Variants in TUSC3 observed in about 807,000 individuals in gnomAD.
TUSC3 encodes tumor suppressor candidate 3.
A neutral mutation model predicts 44.8 loss-of-function variants in TUSC3; 45 were observed. The ratio of observed to expected loss-of-function variants is 1.00; its 90% confidence interval spans 0.79 to 1.29. The LOEUF is 1.29. TUSC3 is among the 50% of genes most tolerant of loss of function. The probability of loss-of-function intolerance (pLI) is 0.00; values close to 1 mark genes in which losing one functional copy is unlikely to be tolerated. For missense variants in TUSC3, 519 were observed against 437.9 expected, an observed-to-expected ratio of 1.19 and a Z score of -1.65; for synonymous variants, 212 against 152.9, an observed-to-expected ratio of 1.39 and a Z score of -2.85.
intron 8 of TUSC3, among the ~76,000 whole-genome samples, chr8:15,746,344 T>G (rs1233878960): frequency 6.6e-5 from 10 of 152,096 alleles, no homozygotes; most frequent in Admixed American, 6.6e-4. Flanking sequence ...TGCTTGTGTG[T>G]GTATGAAAGT....
chr8:15,510,987 A>G (rs983347862), intron 2 of TUSC3, among the ~76,000 whole-genome samples: 1 of 152,196 alleles, frequency 6.6e-6, no homozygotes, highest in Admixed American at 6.5e-5. Flanking sequence ...ATTGATTTCC[A>G]TACAAGCAGA....
chr8:15,754,593 C>G (rs1329665152), intron 9 of TUSC3, among the ~76,000 whole-genome samples: 1 of 151,766 alleles, frequency 6.6e-6, no homozygotes, highest in Non-Finnish European at 1.5e-5. Flanking sequence ...TTTTCCTTTT[C>G]TTAAGAAAAG....
intron 1 of TUSC3, among the ~76,000 whole-genome samples, chr8:15,463,679 G>T (rs1800377690): frequency 6.6e-6 from 1 of 152,120 alleles, no homozygotes; most frequent in African/African-American, 2.4e-5. Context: ...GCACCATTAA[G>T]TTAAATTATC....
chr8:15,780,675 C>T, the TUSC3 span, among the ~76,000 whole-genome samples: 577 of 152,234 alleles, frequency 3.8e-3, 3 homozygotes, highest in African/African-American at 0.014. Context: ...GACCTGGGCA[C>T]TTTCTCATCC....
At chr8:15,669,794 T>C (rs1055360356) in intron 5 of TUSC3, among the ~76,000 whole-genome samples, 2 of 151,696 alleles carry the variant, frequency 1.3e-5, no homozygotes, top group Non-Finnish European at 3.0e-5. Context: ...AGATGCCTGC[T>C]CTTGAGTATT....
At chr8:15,682,790 T>G (rs1322761877) in intron 6 of TUSC3, among the ~76,000 whole-genome samples, 3 of 151,682 alleles carry the variant, frequency 2.0e-5, no homozygotes, top group African/African-American at 7.3e-5. Context: ...GTTGTTCTTT[T>G]GTTTCCATGT....
chr8:15,825,869 G>A, the TUSC3 span, among the ~76,000 whole-genome samples: 1 of 147,044 alleles, frequency 6.8e-6, no homozygotes, highest in Non-Finnish European at 1.5e-5. Context: ...ACCAATTACG[G>A]AATCAACAGT....
At chr8:15,790,039 G>A in the TUSC3 span, among the ~76,000 whole-genome samples, 2 of 152,154 alleles carry the variant, frequency 1.3e-5, no homozygotes, top group South Asian at 4.1e-4. Context: ...CATGTGGGCT[G>A]TTGGCAGCCG....
the TUSC3 span, among the ~76,000 whole-genome samples, chr8:15,817,680 T>C: frequency 6.6e-6 from 1 of 152,172 alleles, no homozygotes; most frequent in African/African-American, 2.4e-5. Flanking sequence ...TGATTATAAG[T>C]TGCCCAAGGC....
the TUSC3 span, among the ~76,000 whole-genome samples, chr8:15,795,756 G>A: frequency 1.3e-5 from 2 of 152,218 alleles, no homozygotes; most frequent in Admixed American, 1.3e-4. Flanking sequence ...GGCCTCCAGT[G>A]TGGCTGCCCA....
intron 1 of TUSC3, among the ~76,000 whole-genome samples, chr8:15,576,535 CCCA>C (rs1803124102): frequency 2.1e-5 from 3 of 143,534 alleles, no homozygotes. Context: ...TTGTTCAGTC[CCCA>C]CCTATGAGTG....
chr8:15,622,975 G>A, intron 1 of TUSC3, 105 bp from the exon 2 acceptor site: 1 of 1,124,736 alleles, frequency 8.9e-7, no homozygotes, highest in Admixed American at 2.3e-5. Flanking sequence ...TATAAACTTG[G>A]ATATCATTAG....
intron 6 of TUSC3, among the ~76,000 whole-genome samples, chr8:15,700,849 C>CA (rs1190018820): frequency 1.1e-5 from 1 of 90,536 alleles, no homozygotes; most frequent in Non-Finnish European, 2.0e-5. Context: ...ATGGCTGGAG[C>CA]TTTTTTTTTT....
At chr8:15,593,499 C>T (rs913907875) in intron 1 of TUSC3, among the ~76,000 whole-genome samples, 2 of 152,024 alleles carry the variant, frequency 1.3e-5, no homozygotes, top group African/African-American at 4.8e-5. Context: ...CCAAGTGAGC[C>T]ATTAATAATT....
intron 6 of TUSC3, among the ~76,000 whole-genome samples, chr8:15,722,853 G>A (rs899527733): frequency 4.0e-5 from 6 of 151,630 alleles, no homozygotes; most frequent in Non-Finnish European, 7.4e-5. Context: ...CTTCTTACTT[G>A]TGAGAAGTTT....
intron 1 of TUSC3, among the ~76,000 whole-genome samples, chr8:15,587,432 C>A (rs548981401): frequency 1.3e-5 from 2 of 152,042 alleles, no homozygotes; most frequent in South Asian, 2.1e-4. Context: ...ATTTTTAAAT[C>A]TTTTAGTTGA....
At chr8:15,598,485 A>T (rs1804155990) in intron 1 of TUSC3, among the ~76,000 whole-genome samples, 1 of 151,916 alleles carries the variant, frequency 6.6e-6, no homozygotes, top group South Asian at 2.1e-4. Flanking sequence ...CAAAGTCTGT[A>T]CTTTGTATTA....
chr8:15,789,025 T>A, the TUSC3 span, among the ~76,000 whole-genome samples: 1 of 152,208 alleles, frequency 6.6e-6, no homozygotes, highest in Non-Finnish European at 1.5e-5. Context: ...AGGCTTAGCT[T>A]CACATATGCT....
At chr8:15,684,537 A>G (rs1205067279) in intron 6 of TUSC3, among the ~76,000 whole-genome samples, 2 of 152,068 alleles carry the variant, frequency 1.3e-5, no homozygotes, top group Admixed American at 6.5e-5. Context: ...CACCTAGATC[A>G]CTGTTCTAGG....
Sources: allele counts gnomAD v4.1 joint callset (sites outside exome capture counted in the v4.1 genomes callset), GRCh38; gene constraint gnomAD v4.1.1; transcripts MANE v1.5; gene names NCBI Gene and HGNC (gene_info 2026-07-23, HGNC 2026-07-21).